PSD: variants seen among roughly 807,000 people sequenced by gnomAD.
PSD encodes the protein pleckstrin and Sec7 domain containing, also known as PH and SEC7 domain-containing protein 1.
Under a neutral mutation model 91.6 loss-of-function variants are expected in PSD, and 32 were observed. That is an observed-to-expected ratio of 0.35 (90% CI 0.26 to 0.47). PSD has a LOEUF of 0.47. PSD is among the 20% of genes least tolerant of loss of function. The pLI is 1.00. For synonymous variants in PSD, 532 were observed against 569.3 expected (o/e 0.93, Z 0.93); for missense variants, 1,099 against 1,373.9 (o/e 0.80, Z 3.16).
chr10:102,411,323 GCTAGTTGCCCCAACGTA>G (rs970454898), intron 8 of PSD, among the ~76,000 whole-genome samples: 23 of 152,098 alleles, frequency 1.5e-4, no homozygotes, highest in Admixed American at 2.6e-4. Context: ...AGTACTGAGG[GCTAGTTGCCCCAACGTA>G]CTAGTTGCCC....
In PSD at chr10:102,402,679, C is replaced by T. The variant is rs527244684; in HGVS notation, c.*521G>A. 4 of 326,892 alleles carry T rather than the reference C, an allele frequency of 1.2e-5. No individual in the cohort carries two copies. The highest frequency in any genetic ancestry group is 4.6e-5 in the Admixed American group (1 of 21,570). The allele number at this position is 326,892 out of a possible 1,614,324, so 20.2% of individuals were successfully genotyped here. A position where few individuals can be genotyped will look rare whatever the true frequency, so the allele number is the denominator to read the frequency against. On this transcript the variant is annotated 3_prime_UTR_variant, in exon 17 of 17. Coordinates refer to ENST00000020673, the MANE Select transcript of PSD (RefSeq NM_002779.5). ...GTACAAAGGGCAAGGCCCACTGAAG[C>T]GGGGGAAAGCCAGGCCGTGCTGCCC...
Position 102,412,579 on chromosome 10 carries a change from C to T in PSD, c.1554-4G>A, listed in dbSNP as rs1589889931. 1.9e-6 allele frequency: 3 copies of T among 1,607,712 alleles called. No individual in the cohort carries two copies. Among genetic ancestry groups the T allele is most frequent in the African/African-American group, 2.7e-5 (2 of 74,834 alleles). On this transcript the variant is annotated splice_region_variant and splice_polypyrimidine_tract_variant and intron_variant, in intron 5 of 16. Coordinates refer to ENST00000020673, the MANE Select transcript of PSD (RefSeq NM_002779.5). ...CAGCTGGCTCAGGGGTGGTTCGCTG[C>T]CGGGGTAGAACACCAGCTCAGGCTG... is the stretch of plus-strand genomic sequence containing the variant.
In PSD at chr10:102,415,126, G is replaced by A. The variant is rs1239487742; in HGVS notation, c.861C>T (p.Asp287=). 1.9e-6 allele frequency: 3 copies of A among 1,613,664 alleles called. No individual in the cohort carries two copies. The African/African-American group carries it at 4.0e-5, about 22-fold the overall frequency. ...AGCACCTCAGGGGCACCGTGTCCAG[G>A]TCTGTCTCGGAGTACTTGGCTGCTC... ...VGRAAKYSET[D]LDTVPLRCYR... The change falls in exon 4 of 17, where the codon GAC becomes GAT. Residue 287 remains aspartate, a synonymous_variant. Coordinates refer to ENST00000020673, the MANE Select transcript of PSD (RefSeq NM_002779.5).
At position 102,414,654 on chromosome 10, in the gene PSD, G is replaced by A. The variant is rs2061457033; in HGVS notation, c.1124+209C>T. On this transcript the variant is annotated intron_variant, in intron 4 of 16. Coordinates refer to ENST00000020673, the MANE Select transcript of PSD (RefSeq NM_002779.5). This position sits in a 1 kb window ranked among gnomAD's most constrained non-coding sequence, Gnocchi z 5.6. Reference sequence around the variant, plus strand: ...GGCCTCTCACCCTGCCCCCTGTTCTGCTAGAACCCCTGGCCTCTTTGCTCC... The same window carrying A: ...GGCCTCTCACCCTGCCCCCTGTTCTACTAGAACCCCTGGCCTCTTTGCTCC... 6.6e-6 allele frequency among the ~76,000 whole-genome samples: 1 copy of A among 152,094 alleles called. No homozygotes were observed. The highest frequency in any genetic ancestry group is 2.1e-4 in the South Asian group (1 of 4,826).
At chr10:102,412,103 A>T (rs1442348246) in intron 7 of PSD, 44 bp downstream of exon 7, 5 of 1,588,134 alleles carry the variant, frequency 3.1e-6, no homozygotes, top group Non-Finnish European at 4.3e-6. Flanking sequence ...CCCTAACACG[A>T]ACCCCGGAGA....
rs1233614678 is a variant in PSD, at chr10:102,405,533, G to T, written c.2139C>A (p.Asp713Glu). The change falls in exon 12 of 17, where the codon GAC becomes GAA. Residue 713 changes from aspartate (D) to glutamate (E), a missense_variant. By Grantham distance (45) the Asp-to-Glu change is conservative. Transcript: ENST00000020673. This position sits in a 1 kb window ranked among gnomAD's most constrained non-coding sequence, Gnocchi z 5.4. ...ACAGAGAGCGTCTCAGCTCCTCCTC[G>T]TCTCTGCAGGTGTGATCACCTCAGA... ...IKNEKLQWAI[D>E]EEELRRSLSE... 6.2e-7 allele frequency: 1 copy of T among 1,612,282 alleles called. No individual in the cohort carries two copies. The highest frequency in any genetic ancestry group is 8.5e-7 in the Non-Finnish European group (1 of 1,179,306).
intron 7 of PSD, 54 bp downstream of exon 7, chr10:102,412,093 C>T (rs894975387): frequency 1.9e-6 from 3 of 1,548,502 alleles, no homozygotes; most frequent in Non-Finnish European, 2.7e-6. Context: ...CATCCTGGGG[C>T]CCTAACACGA....
rs926221308 is a variant in PSD at position 102,404,421 on chromosome 10, C to T, written c.2700+162G>A. On this transcript the variant is annotated intron_variant, in intron 15 of 16. Transcript: ENST00000020673. The surrounding 1 kb of genome is among the most constrained non-coding windows in gnomAD (Gnocchi z 5.7). ...TATGTTTGGGTTCCCAGCCGGCAAG[C>T]GGGACCCAGTGGGGGCTGGATTTCA... Among the ~76,000 whole-genome samples the T allele has an allele frequency of 7.2e-5, 11 of 152,078 alleles. No homozygotes were observed. Among genetic ancestry groups the T allele is most frequent in the African/African-American group, 1.9e-4 (8 of 41,392 alleles).
chr10:102,416,678 C>T lies in PSD; in HGVS notation c.361G>A (p.Gly121Arg). ...VRPLNGLPAP[G>R]GLSRSWDLGG... is the part of the protein sequence containing the mutation. ...AGATCCCAGCTCCGACTCAAGCCCC[C>T]TGGAGCAGGTAGCCCATTCAGTGGC... The change falls in exon 2 of 17, where the codon GGG (glycine) becomes AGG (arginine). Residue 121 changes from glycine to arginine, a missense_variant. Coordinates refer to ENST00000020673, the MANE Select transcript of PSD (RefSeq NM_002779.5). The surrounding 1 kb of genome is among the most constrained non-coding windows in gnomAD (Gnocchi z 6.0). 2 of 1,609,974 alleles carry T rather than the reference C, an allele frequency of 1.2e-6. No individual in the cohort carries two copies. The highest frequency in any genetic ancestry group is 1.7e-6 in the Non-Finnish European group (2 of 1,178,328).
At position 102,403,613 on chromosome 10, in the gene PSD, T is replaced by A. The variant is rs41287458; in HGVS notation, c.2845-183A>T. ...CCTGGGACCATCATCTATAACCTAA[T>A]GTGTCTTGAGCCTTTACTAGAGCTG... On this transcript the variant is annotated intron_variant, in intron 16 of 16. Transcript: ENST00000020673. The surrounding 1 kb of genome is among the most constrained non-coding windows in gnomAD (Gnocchi z 6.7). Among the ~76,000 whole-genome samples, 2,242 of 152,256 alleles carry A rather than the reference T, an allele frequency of 0.015. 23 individuals carry two copies. The highest frequency in any genetic ancestry group is 0.023 in the Non-Finnish European group (1,540 of 68,022).
At chr10:102,406,372 G>C (rs1312445584) in intron 11 of PSD, among the ~76,000 whole-genome samples, 1 of 152,176 alleles carries the variant, frequency 6.6e-6, no homozygotes, top group Non-Finnish European at 1.5e-5. Flanking sequence ...CGGCAAATTT[G>C]AATGATCTAT....
At chr10:102,412,883 C>G (rs1450744237) in intron 5 of PSD, among the ~76,000 whole-genome samples, 5 of 152,136 alleles carry the variant, frequency 3.3e-5, no homozygotes, top group African/African-American at 1.2e-4. Context: ...TCTGTTCCCA[C>G]CCTGGCCCTA....
chr10:102,418,618 C>T, intron 1 of PSD, 83 bp downstream of exon 1: 1 of 434,394 alleles, frequency 2.3e-6, no homozygotes, highest in Admixed American at 2.4e-5. Flanking sequence ...GAGTAGCAAC[C>T]CTGCCAGGCA....
intron 3 of PSD, 110 bp from the exon 4 acceptor site, chr10:102,415,339 A>G: frequency 1.5e-6 from 2 of 1,313,422 alleles, no homozygotes; most frequent in Non-Finnish European, 2.0e-6. Flanking sequence ...AAGTTCTTTC[A>G]CTGTCTAGCC....
At position 102,416,384 on chromosome 10, in the gene PSD, C is replaced by G; in HGVS notation, c.654+1G>C. ...CAGGGAGCCCAGGGGAAGTTGCATA[C>G]CTGGTTCAGGAATCCAGTGTCAGCA... On this transcript the variant is annotated splice_donor_variant, in intron 2 of 16. Transcript: ENST00000020673. LOFTEE classifies it high-confidence loss of function. This position sits in a 1 kb window ranked among gnomAD's most constrained non-coding sequence, Gnocchi z 6.0. 6.3e-7 allele frequency: 1 copy of G among 1,595,434 alleles called. No individual in the cohort carries two copies. The highest frequency in any genetic ancestry group is 8.5e-7 in the Non-Finnish European group (1 of 1,171,894).
upstream of PSD, chr10:102,419,089 G>A: frequency 3.3e-6 from 1 of 307,472 alleles, no homozygotes; most frequent in Non-Finnish European, 6.6e-6. The surrounding 1 kb of genome is among the most constrained non-coding windows in gnomAD (Gnocchi z 4.8). Context: ...GCACACGCGT[G>A]TCCCGCTCCA....
chr10:102,411,753 G>T lies in PSD; in HGVS notation c.1896C>A (p.Phe632Leu), dbSNP rs2061426735. Residue 632 changes from phenylalanine (F) to leucine (L), a missense_variant, in exon 8 of 17, where the codon TTC becomes TTA. Physicochemically the swap from Phe to Leu is conservative, Grantham distance 22. Transcript: ENST00000020673. ...TQERERVLAH[F>L]SQRYFQCNPE... is the part of the protein sequence containing the mutation. ...GATTGCACTGGAAGTATCGCTGGGAGAAGTGGGCCAGCACGCGCTCTCGTT... is the reference window on the plus strand; with the variant it reads ...GATTGCACTGGAAGTATCGCTGGGATAAGTGGGCCAGCACGCGCTCTCGTT... 6.2e-7 allele frequency: 1 copy of T among 1,613,772 alleles called. No homozygotes were observed. The highest frequency in any genetic ancestry group is 8.5e-7 in the Non-Finnish European group (1 of 1,179,934).
chr10:102,402,846 G>A lies in PSD; in HGVS notation c.*354C>T, dbSNP rs986910764. ...GTCCAAGCCAGGCCCCAGGACAGAG[G>A]GGGACTGATGGTGTCAGGGTGGGGG... On this transcript the variant is annotated 3_prime_UTR_variant, in exon 17 of 17. Coordinates refer to ENST00000020673, the MANE Select transcript of PSD (RefSeq NM_002779.5). 7 of 263,246 alleles carry A rather than the reference G, an allele frequency of 2.7e-5. No individual in the cohort carries two copies. Among genetic ancestry groups the A allele is most frequent in the Admixed American group, 1.6e-4 (3 of 18,940 alleles). 16.3% of individuals were successfully genotyped at this position (263,246 alleles called of 1,614,324 possible).
In PSD at chr10:102,411,055, C is replaced by T. The variant is rs200898764; in HGVS notation, c.2001+3G>A. The T allele has an allele frequency of 2.4e-5, 39 of 1,613,100 alleles. No individual in the cohort carries two copies. In the East Asian group the frequency reaches 5.6e-4, roughly 23 times the overall value. ...CGGCTCCTGCCCGCCCGCCTCCACT[C>T]ACATGGCCGTGGAGATCCGTGTTGA... On this transcript the variant is annotated splice_donor_region_variant and intron_variant, in intron 9 of 16. Coordinates refer to ENST00000020673, the MANE Select transcript of PSD (RefSeq NM_002779.5).
Sources: gnomAD v4.1 joint callset for allele counts (sites outside exome capture counted in the v4.1 genomes callset) on GRCh38, gnomAD v4.1.1 for gene constraint, Gnocchi (gnomAD v3.1) non-coding constraint, MANE v1.5 for transcripts, NCBI Gene and HGNC (gene_info 2026-07-23, HGNC 2026-07-21) for gene names.